Variants in PAQR9 observed in about 807,000 individuals in gnomAD.
PAQR9 encodes membrane progestin receptor epsilon.
PAQR9 carries 12 observed loss-of-function variants against 24.0 expected under a neutral mutation model. The ratio of observed to expected loss-of-function variants is 0.50; its 90% confidence interval spans 0.32 to 0.81. The LOEUF is 0.81. Among genes scored for constraint, PAQR9 ranks in the 30% least tolerant of loss-of-function variants. The pLI, the probability that PAQR9 is intolerant of heterozygous loss-of-function variation, is 0.03. For synonymous variants in PAQR9, 266 were observed against 237.6 expected, an observed-to-expected ratio of 1.12 and a Z score of -1.10; for missense variants, 418 against 520.8, an observed-to-expected ratio of 0.80 and a Z score of 1.92.
At position 142,955,017 on chromosome 3, in the gene PAQR9, G is replaced by A. The variant is rs537264090; in HGVS notation, c.*7186C>T. 2.0e-5 allele frequency among the ~76,000 whole-genome samples: 3 copies of A among 152,088 alleles called. No individual in the cohort carries two copies. In the South Asian group the frequency reaches 6.2e-4, roughly 32 times the overall value. On this transcript the variant is annotated 3_prime_UTR_variant, in exon 1 of 1. Transcript: ENST00000340634. ...CAAGCAATGGGAAAAATTTCTTTGT[G>A]CGCGCATCATTTTTACTCCCTTCTT... is the stretch of plus-strand genomic sequence containing the variant.
In PAQR9 at chr3:142,958,539, T is replaced by C. The variant is rs958638831; in HGVS notation, c.*3664A>G. On this transcript the variant is annotated 3_prime_UTR_variant, in exon 1 of 1. Coordinates refer to ENST00000340634, the MANE Select transcript of PAQR9 (RefSeq NM_198504.4). ...TTATGAAGAGATTTAAAGATAAAAA[T>C]TCCTGTTTATTATTGCTGTTAGTCC... Among the ~76,000 whole-genome samples, 22 of 152,224 alleles carry C rather than the reference T, an allele frequency of 1.4e-4. No individual in the cohort carries two copies. The highest frequency in any genetic ancestry group is 5.3e-4 in the African/African-American group (22 of 41,442).
chr3:142,951,469 G>A (rs1045434968), downstream of PAQR9: 1 of 275,454 alleles, frequency 3.6e-6, no homozygotes, highest in Non-Finnish European at 7.1e-6. Context: ...GATTGATTTG[G>A]GGAATAAAGA....
Position 142,962,337 on chromosome 3 carries a change from G to T in PAQR9, c.1000C>A (p.Arg334Ser), listed in dbSNP as rs766152002. The change falls in exon 1 of 1, where the codon CGC (arginine) becomes AGC (serine). Residue 334 changes from arginine to serine, a missense_variant. This residue lies in a region of PAQR9 where 230 missense variants were observed against 305.2 expected (regional missense o/e 0.75). Transcript: ENST00000340634. ...GCAGGCGGCGCCTGGAGGAACTGGC[G>T]CAGGCCCTCTTCTACGTAGTACACC... ...DQVYYVEEGL[R>S]QFLQAPPAAP... The T allele has an allele frequency of 2.5e-6, 4 of 1,614,028 alleles. No individual in the cohort carries two copies. Among genetic ancestry groups the T allele is most frequent in the East Asian group, 2.2e-5 (1 of 44,864 alleles).
Position 142,956,096 on chromosome 3 carries a change from T to A in PAQR9, c.*6107A>T, listed in dbSNP as rs546664043. ...CAAATATAAAATTAAAATACTTTTT[T>A]AAAAAATTTTCCCAGGAATTTTATT... On this transcript the variant is annotated 3_prime_UTR_variant, in exon 1 of 1. Transcript: ENST00000340634. 2.3e-3 allele frequency among the ~76,000 whole-genome samples: 352 copies of A among 152,328 alleles called. No homozygotes were observed. The highest frequency in any genetic ancestry group is 6.8e-3 in the Middle Eastern group (2 of 294).
rs551827923 is a variant in PAQR9, at chr3:142,961,067, C to G, written c.*1136G>C. On this transcript the variant is annotated 3_prime_UTR_variant, in exon 1 of 1. Coordinates refer to ENST00000340634, the MANE Select transcript of PAQR9 (RefSeq NM_198504.4). ...TTTGTCCTTGTTGGGAACCCAAATGCTCTGCACGCTCCTGTAAGCTATCTC... is the reference window on the plus strand; with the variant it reads ...TTTGTCCTTGTTGGGAACCCAAATGGTCTGCACGCTCCTGTAAGCTATCTC... 6.6e-6 allele frequency: 1 copy of G among 152,474 alleles called. No homozygotes were observed. Among genetic ancestry groups the G allele is most frequent in the South Asian group, 2.1e-4 (1 of 4,822 alleles). The allele number at this position is 152,474 out of a possible 1,614,324, so 9.4% of individuals were successfully genotyped here.
In PAQR9 at chr3:142,963,605, G is replaced by T; in HGVS notation, c.-269C>A. Reference sequence around the variant, plus strand: ...TCCTCGCCAAGCCCCTGCTACCGGCGCGCGGCCGCCCGCGCTGCGGCAGCG... The same window carrying T: ...TCCTCGCCAAGCCCCTGCTACCGGCTCGCGGCCGCCCGCGCTGCGGCAGCG... On this transcript the variant is annotated 5_prime_UTR_variant, in exon 1 of 1. Transcript: ENST00000340634. 1 of 819,090 alleles carries T rather than the reference G, an allele frequency of 1.2e-6. No homozygotes were observed. The highest frequency in any genetic ancestry group is 1.5e-6 in the Non-Finnish European group (1 of 679,818). The allele number at this position is 819,090 out of a possible 1,614,324, so 50.7% of individuals were successfully genotyped here. A position where few individuals can be genotyped will look rare whatever the true frequency, so the allele number is the denominator to read the frequency against.
In PAQR9 at chr3:142,955,442, TAAAAAAAAAAAAAAAAAA is replaced by T. The variant is rs150071656; in HGVS notation, c.*6743_*6760del. ...GAGCGACCACATGGTCTATACAAAT[TAAAAAAAAAAAAAAAAAA>T]AAAAAAAAAAAAAAAAAGCAGCCAC... On this transcript the variant is annotated 3_prime_UTR_variant, in exon 1 of 1. Transcript: ENST00000340634. 6.6e-3 allele frequency among the ~76,000 whole-genome samples: 143 copies of T among 21,620 alleles called. No homozygotes were observed. The South Asian group carries it at 0.081, about 12-fold the overall frequency. 14.2% of individuals were successfully genotyped at this position (21,620 alleles called of 152,430 possible). A position where few individuals can be genotyped will look rare whatever the true frequency, so the allele number is the denominator to read the frequency against.
rs1934780741 is a variant in PAQR9 at position 142,955,644 on chromosome 3, C to T, written c.*6559G>A. On this transcript the variant is annotated 3_prime_UTR_variant, in exon 1 of 1. Coordinates refer to ENST00000340634, the MANE Select transcript of PAQR9 (RefSeq NM_198504.4). ...TTATTCACCATGCTTATAAACTCAT[C>T]AAAGTGAAAGGTGCCTCACCTCTTT... Among the ~76,000 whole-genome samples the T allele has an allele frequency of 6.6e-6, 1 of 151,950 alleles. No homozygotes were observed.
In PAQR9 at chr3:142,959,304, G is replaced by A. The variant is rs1420731345; in HGVS notation, c.*2899C>T. ...ACCTGGATAGTTCCGTGCAAATGGG[G>A]AGATTCAAAGTAAATATTCACTTCT... On this transcript the variant is annotated 3_prime_UTR_variant, in exon 1 of 1. Coordinates refer to ENST00000340634, the MANE Select transcript of PAQR9 (RefSeq NM_198504.4). Among the ~76,000 whole-genome samples, 3 of 152,170 alleles carry A rather than the reference G, an allele frequency of 2.0e-5. No individual in the cohort carries two copies. The highest frequency in any genetic ancestry group is 2.1e-4 in the South Asian group (1 of 4,822).
At chr3:142,963,878 C>T (rs1934973810), upstream of PAQR9, 4 of 985,314 alleles carry the variant, frequency 4.1e-6, no homozygotes, top group African/African-American at 1.7e-5. Flanking sequence ...CCGCCGCAGC[C>T]CGGGCCGCCC....
chr3:142,963,629 C>T lies in PAQR9; in HGVS notation c.-293G>A, dbSNP rs936093088. 2 of 698,806 alleles carry T rather than the reference C, an allele frequency of 2.9e-6. No homozygotes were observed. The highest frequency in any genetic ancestry group is 3.5e-6 in the Non-Finnish European group (2 of 570,482). The allele number at this position is 698,806 out of a possible 1,614,324, so 43.3% of individuals were successfully genotyped here. A position where few individuals can be genotyped will look rare whatever the true frequency, so the allele number is the denominator to read the frequency against. ...CGCGCGGCCGCCCGCGCTGCGGCAG[C>T]GGCGGCGGCGCGGCTGACTGCGGCG... On this transcript the variant is annotated 5_prime_UTR_variant, in exon 1 of 1. Coordinates refer to ENST00000340634, the MANE Select transcript of PAQR9 (RefSeq NM_198504.4).
At chr3:142,949,623 T>A (rs1934688139), downstream of PAQR9, 1 of 152,218 alleles carries the variant, frequency 6.6e-6, no homozygotes, top group Non-Finnish European at 1.5e-5. Flanking sequence ...AAATCTTCCA[T>A]CTTCCATTTC....
In PAQR9 at chr3:142,955,476, A is replaced by AAAAAC. The variant is rs1934777605; in HGVS notation, c.*6726_*6727insGTTTT. Among the ~76,000 whole-genome samples, 1 of 125,934 alleles carries AAAAAC rather than the reference A, an allele frequency of 7.9e-6. No individual in the cohort carries two copies. The highest frequency in any genetic ancestry group is 1.6e-5 in the Non-Finnish European group (1 of 61,160). 82.6% of individuals were successfully genotyped at this position (125,934 alleles called of 152,430 possible). ...AAAAAAAAAAAAAAAAAAAAAAAAAAAGCAGCCACAGAATCCTCCCCCAGC... is the reference window on the plus strand; with the variant it reads ...AAAAAAAAAAAAAAAAAAAAAAAAAAAAAACAGCAGCCACAGAATCCTCCCCCAGC... On this transcript the variant is annotated 3_prime_UTR_variant, in exon 1 of 1. Transcript: ENST00000340634.
downstream of PAQR9, chr3:142,951,824 A>C: frequency 6.6e-6 from 3 of 455,288 alleles, no homozygotes; most frequent in Non-Finnish European, 1.3e-5. Flanking sequence ...AGAGTAGTAC[A>C]AAAGTCACAC....
rs1299040199 is a variant in PAQR9 at position 142,956,521 on chromosome 3, T to A, written c.*5682A>T. On this transcript the variant is annotated 3_prime_UTR_variant, in exon 1 of 1. Coordinates refer to ENST00000340634, the MANE Select transcript of PAQR9 (RefSeq NM_198504.4). ...GCATTACATTTAGAAGCACAATACATTGGGAAACATTCTCAAAAGCTCAAA... is the reference window on the plus strand; with the variant it reads ...GCATTACATTTAGAAGCACAATACAATGGGAAACATTCTCAAAAGCTCAAA... Among the ~76,000 whole-genome samples, 1 of 152,210 alleles carries A rather than the reference T, an allele frequency of 6.6e-6. No individual in the cohort carries two copies. The highest frequency in any genetic ancestry group is 6.5e-5 in the Admixed American group (1 of 15,276).
rs1934878881 is a variant in PAQR9, at chr3:142,960,913, T to C, written c.*1290A>G. ...GACAACTCAATAATGTGCTCCTGCC[T>C]TTCATAATAAAACTGCCTTGTTTAT... On this transcript the variant is annotated 3_prime_UTR_variant, in exon 1 of 1. Coordinates refer to ENST00000340634, the MANE Select transcript of PAQR9 (RefSeq NM_198504.4). 6.6e-6 allele frequency: 1 copy of C among 152,272 alleles called. No homozygotes were observed. The highest frequency in any genetic ancestry group is 6.5e-5 in the Admixed American group (1 of 15,292). The allele number at this position is 152,272 out of a possible 1,614,324, so 9.4% of individuals were successfully genotyped here. A position where few individuals can be genotyped will look rare whatever the true frequency, so the allele number is the denominator to read the frequency against.
rs1314499019 is a variant in PAQR9 at position 142,963,612 on chromosome 3, C to A, written c.-276G>T. 1.9e-5 allele frequency: 15 copies of A among 782,828 alleles called. No homozygotes were observed. Among genetic ancestry groups the A allele is most frequent in the Non-Finnish European group, 2.2e-5 (14 of 646,794 alleles). The allele number at this position is 782,828 out of a possible 1,614,324, so 48.5% of individuals were successfully genotyped here. ...CAAGCCCCTGCTACCGGCGCGCGGC[C>A]GCCCGCGCTGCGGCAGCGGCGGCGG... On this transcript the variant is annotated 5_prime_UTR_variant, in exon 1 of 1. Transcript: ENST00000340634.
upstream of PAQR9, chr3:142,963,701 G>C: frequency 1.4e-6 from 1 of 696,558 alleles, no homozygotes; most frequent in Non-Finnish European, 1.8e-6. Context: ...GGGTGCCTCC[G>C]CCGCCGCCGC....
chr3:142,961,665 A>G lies in PAQR9; in HGVS notation c.*538T>C, dbSNP rs1934892525. ...AACATCTGAAAAACATTTTGAAATAATTAACTTGTGTTCACATTCCATGCA... is the reference window on the plus strand; with the variant it reads ...AACATCTGAAAAACATTTTGAAATAGTTAACTTGTGTTCACATTCCATGCA... On this transcript the variant is annotated 3_prime_UTR_variant, in exon 1 of 1. Transcript: ENST00000340634. 6.3e-6 allele frequency: 1 copy of G among 157,678 alleles called. No individual in the cohort carries two copies. Among genetic ancestry groups the G allele is most frequent in the Admixed American group, 6.0e-5 (1 of 16,580 alleles). 9.8% of individuals were successfully genotyped at this position (157,678 alleles called of 1,614,324 possible).
Sources: allele counts gnomAD v4.1 joint callset (sites outside exome capture counted in the v4.1 genomes callset), GRCh38; gene constraint gnomAD v4.1.1; regional missense constraint gnomAD v4.1.1; transcripts MANE v1.5; gene names NCBI Gene and HGNC (gene_info 2026-07-23, HGNC 2026-07-21).